Variants in EAF2 observed in about 807,000 individuals in gnomAD.
EAF2 encodes ELL-associated factor 2.
Under a neutral mutation model 29.4 loss-of-function variants are expected in EAF2, and 29 were observed. The observed-to-expected ratio is 0.99, with a 90% CI of 0.73 to 1.35. The LOEUF (loss-of-function observed/expected upper bound fraction) is 1.35, where lower values mean the gene tolerates loss of function less well. Among genes scored for constraint, EAF2 ranks in the 40% most tolerant of loss-of-function variants. EAF2 has a pLI of 0.00. For missense variants in EAF2, 292 were observed against 312.0 expected (o/e 0.94, Z 0.48); for synonymous variants, 103 against 102.5 (o/e 1.00, Z -0.03).
intron 4 of EAF2, among the ~76,000 whole-genome samples, chr3:121,863,124 G>T (rs995886351): frequency 6.6e-6 from 1 of 152,234 alleles, no homozygotes; most frequent in Non-Finnish European, 1.5e-5. Context: ...GTGTCTCCCA[G>T]TTAGGCTATT....
chr3:121,838,403 A>G (rs1344849335), intron 1 of EAF2, among the ~76,000 whole-genome samples: 1 of 152,206 alleles, frequency 6.6e-6, no homozygotes, highest in Non-Finnish European at 1.5e-5. Flanking sequence ...ATATGAGATT[A>G]ATCAGCAAAT....
intron 2 of EAF2, among the ~76,000 whole-genome samples, chr3:121,847,380 T>C (rs1708547320): frequency 6.6e-6 from 1 of 152,136 alleles, no homozygotes; most frequent in Admixed American, 6.6e-5. Context: ...GGAAGGACAT[T>C]TTAGTCAGAG....
intron 5 of EAF2, among the ~76,000 whole-genome samples, chr3:121,876,859 T>C (rs1240411744): frequency 1.3e-5 from 2 of 151,590 alleles, no homozygotes; most frequent in Non-Finnish European, 2.9e-5. Flanking sequence ...AAACAGAAAA[T>C]ATGAAGTAGA....
At chr3:121,838,812 G>A (rs1708352798) in intron 1 of EAF2, among the ~76,000 whole-genome samples, 4 of 152,158 alleles carry the variant, frequency 2.6e-5, no homozygotes, top group Admixed American at 2.6e-4. Context: ...TCATAGGGAT[G>A]GATTTATGAT....
chr3:121,852,538 GA>G (rs1708650602), intron 2 of EAF2, among the ~76,000 whole-genome samples: 2 of 152,124 alleles, frequency 1.3e-5, no homozygotes, highest in African/African-American at 4.8e-5. Context: ...GTCTTTGGGA[GA>G]GGTAAAAAAC....
At chr3:121,840,739 G>A (rs554239585) in intron 1 of EAF2, among the ~76,000 whole-genome samples, 2 of 138,266 alleles carry the variant, frequency 1.4e-5, no homozygotes, top group South Asian at 4.7e-4. Flanking sequence ...CCCAGGAGCG[G>A]AAGTTGCAGT....
chr3:121,854,575 G>T, intron 2 of EAF2, 112 bp from the exon 3 acceptor site: 2 of 848,918 alleles, frequency 2.4e-6, no homozygotes, highest in South Asian at 2.5e-5. Flanking sequence ...GTAGTTTATG[G>T]GTGACTTGAA....
At chr3:121,850,471 T>C (rs531383344) in intron 2 of EAF2, among the ~76,000 whole-genome samples, 1 of 152,086 alleles carries the variant, frequency 6.6e-6, no homozygotes, top group Admixed American at 6.5e-5. Flanking sequence ...GAAAACTGAG[T>C]TCCTCCATTA....
At chr3:121,876,522 A>G (rs1226333921) in intron 5 of EAF2, among the ~76,000 whole-genome samples, 1 of 151,902 alleles carries the variant, frequency 6.6e-6, no homozygotes, top group African/African-American at 2.4e-5. Flanking sequence ...TAAAGATAAC[A>G]AGTCTGTTTT....
At chr3:121,855,289 A>G (rs1294830563) in intron 3 of EAF2, among the ~76,000 whole-genome samples, 1 of 152,204 alleles carries the variant, frequency 6.6e-6, no homozygotes, top group Non-Finnish European at 1.5e-5. Context: ...TACCCATCTC[A>G]AATCCTTTTT....
chr3:121,877,256 G>A (rs1302176284), intron 5 of EAF2, among the ~76,000 whole-genome samples: 3 of 151,768 alleles, frequency 2.0e-5, no homozygotes, highest in African/African-American at 7.2e-5. Flanking sequence ...AACAGAAGTA[G>A]TAGAAGTTGA....
intron 5 of EAF2, among the ~76,000 whole-genome samples, chr3:121,877,907 C>T (rs1328330291): frequency 1.1e-4 from 16 of 152,032 alleles, no homozygotes; most frequent in African/African-American, 3.6e-4. Flanking sequence ...TCAGCTTCCC[C>T]AGTACCTAGT....
At chr3:121,866,366 A>G (rs1335135043) in intron 4 of EAF2, among the ~76,000 whole-genome samples, 2 of 152,202 alleles carry the variant, frequency 1.3e-5, no homozygotes, top group East Asian at 1.9e-4. Flanking sequence ...TACTAAAATT[A>G]AAAATTTGAA....
Position 121,862,389 on chromosome 3 carries a change from A to G in EAF2, c.484+5233A>G, listed in dbSNP as rs193119719. Reference sequence around the variant, plus strand: ...CATTTCTTTTTACTCTTTTTACTCTAAACTTCTCTTCTCACTTCATTTCAT... The same window carrying G: ...CATTTCTTTTTACTCTTTTTACTCTGAACTTCTCTTCTCACTTCATTTCAT... On this transcript the variant is annotated intron_variant, in intron 4 of 5. Transcript: ENST00000273668. Among the ~76,000 whole-genome samples the G allele has an allele frequency of 3.8e-3, 579 of 152,176 alleles. 1 individual carries two copies. Among genetic ancestry groups the G allele is most frequent in the Non-Finnish European group, 7.0e-3 (473 of 67,988 alleles).
intron 2 of EAF2, among the ~76,000 whole-genome samples, chr3:121,846,039 G>T (rs72959286): frequency 7.2e-5 from 11 of 152,172 alleles, no homozygotes; most frequent in African/African-American, 2.6e-4. Context: ...GAAAATGCTG[G>T]ATTTTTTGAG....
intron 5 of EAF2, among the ~76,000 whole-genome samples, chr3:121,884,833 G>C (rs1222334112): frequency 6.6e-6 from 1 of 152,146 alleles, no homozygotes; most frequent in Non-Finnish European, 1.5e-5. Flanking sequence ...CTTAAATTAG[G>C]TATTGATTTC....
At chr3:121,845,385 C>A (rs1045362951) in intron 2 of EAF2, among the ~76,000 whole-genome samples, 1 of 132,710 alleles carries the variant, frequency 7.5e-6, no homozygotes, top group African/African-American at 2.9e-5. Flanking sequence ...TTGCAGTGAG[C>A]CGAGATCACG....
At chr3:121,867,533 T>A (rs868078824) in intron 4 of EAF2, among the ~76,000 whole-genome samples, 5 of 152,302 alleles carry the variant, frequency 3.3e-5, no homozygotes, top group Middle Eastern at 6.8e-3. Flanking sequence ...AAGTGTGAAT[T>A]CTGTATCTAC....
At chr3:121,853,021 G>A (rs543695723) in intron 2 of EAF2, among the ~76,000 whole-genome samples, 5 of 152,256 alleles carry the variant, frequency 3.3e-5, no homozygotes, top group African/African-American at 1.2e-4. Context: ...CAACAGAATT[G>A]TATAATGAAT....
Sources: gnomAD v4.1 joint callset for allele counts (sites outside exome capture counted in the v4.1 genomes callset) on GRCh38, gnomAD v4.1.1 for gene constraint, MANE v1.5 for transcripts, NCBI Gene and HGNC (gene_info 2026-07-23, HGNC 2026-07-21) for gene names.